Variants in EIF4E3 observed in about 807,000 individuals in gnomAD.
EIF4E3 encodes the protein eukaryotic translation initiation factor 4E type 3.
A neutral mutation model predicts 31.7 loss-of-function variants in EIF4E3; 26 were observed. The observed-to-expected ratio is 0.82, with a 90% CI of 0.60 to 1.14. The LOEUF is 1.14. Among genes scored for constraint, EIF4E3 ranks in the 50% most tolerant of loss-of-function variants. EIF4E3 has a pLI of 0.00. For missense variants in EIF4E3, 304 were observed against 270.9 expected, an observed-to-expected ratio of 1.12 and a Z score of -0.86; for synonymous variants, 128 against 107.7, an observed-to-expected ratio of 1.19 and a Z score of -1.17.
intron 1 of EIF4E3, among the ~76,000 whole-genome samples, chr3:71,736,633 T>G (rs948399816): frequency 5.9e-5 from 9 of 152,186 alleles, no homozygotes; most frequent in Non-Finnish European, 1.3e-4. Flanking sequence ...GATCAGGGGT[T>G]GTCAGGGGTT....
At chr3:71,705,883 T>C (rs1024553293) in intron 2 of EIF4E3, among the ~76,000 whole-genome samples, 4 of 152,168 alleles carry the variant, frequency 2.6e-5, no homozygotes, top group African/African-American at 9.7e-5. Flanking sequence ...CCACCTCAGC[T>C]TCCTGAGTAG....
chr3:71,724,422 A>G (rs987364145), intron 1 of EIF4E3, among the ~76,000 whole-genome samples: 4 of 152,218 alleles, frequency 2.6e-5, no homozygotes, highest in African/African-American at 9.6e-5. Context: ...AAGCATTAGG[A>G]AGAAAAAGAA....
At chr3:71,716,809 T>C (rs1441589543) in intron 1 of EIF4E3, among the ~76,000 whole-genome samples, 2 of 152,094 alleles carry the variant, frequency 1.3e-5, no homozygotes, top group African/African-American at 4.8e-5. Context: ...ACTAAACAGC[T>C]CCTGCATGAC....
intron 5 of EIF4E3, among the ~76,000 whole-genome samples, chr3:71,692,095 A>G (rs937766272): frequency 1.3e-5 from 2 of 152,168 alleles, no homozygotes; most frequent in Admixed American, 6.6e-5. Flanking sequence ...CACTTTCACA[A>G]ATGGCTCGGT....
At chr3:71,750,381 G>A (rs1320422925) in intron 1 of EIF4E3, among the ~76,000 whole-genome samples, 1 of 152,166 alleles carries the variant, frequency 6.6e-6, no homozygotes, top group East Asian at 1.9e-4. Context: ...AGTGACCTAG[G>A]AGTGGGAGGA....
intron 1 of EIF4E3, among the ~76,000 whole-genome samples, chr3:71,735,999 C>A (rs2049759170): frequency 6.6e-6 from 1 of 152,042 alleles, no homozygotes; most frequent in Non-Finnish European, 1.5e-5. Flanking sequence ...GGACAAAAGA[C>A]CTGAGCAAAC....
chr3:71,690,570 G>C (rs1006358451), intron 5 of EIF4E3, among the ~76,000 whole-genome samples: 6 of 152,180 alleles, frequency 3.9e-5, no homozygotes, highest in Non-Finnish European at 5.9e-5. Context: ...ATGCCTTGCT[G>C]TCTTTGTTAA....
chr3:71,671,770 C>A (rs962513926), downstream of EIF4E3, among the ~76,000 whole-genome samples: 1 of 151,848 alleles, frequency 6.6e-6, no homozygotes, highest in African/African-American at 2.4e-5. Flanking sequence ...TCAGGGCCTT[C>A]TTTTAAAAAT....
chr3:71,693,322 A>G (rs2049088662), intron 5 of EIF4E3, among the ~76,000 whole-genome samples: 1 of 152,168 alleles, frequency 6.6e-6, no homozygotes, highest in South Asian at 2.1e-4. Flanking sequence ...CTTATCCTCC[A>G]CTGTGAGATC....
At chr3:71,724,529 T>C (rs1046851320) in intron 1 of EIF4E3, among the ~76,000 whole-genome samples, 7 of 152,200 alleles carry the variant, frequency 4.6e-5, no homozygotes, top group Non-Finnish European at 7.3e-5. Flanking sequence ...GGGTTGTCCC[T>C]TGAGAAAGCC....
In EIF4E3 at chr3:71,677,048, A is replaced by T. The variant is rs912520662; in HGVS notation, c.*7634T>A. 6.6e-6 allele frequency: 1 copy of T among 152,230 alleles called. No individual in the cohort carries two copies. Among genetic ancestry groups the T allele is most frequent in the Non-Finnish European group, 1.5e-5 (1 of 68,040 alleles). 9.4% of individuals were successfully genotyped at this position (152,230 alleles called of 1,614,324 possible). Reference sequence around the variant, plus strand: ...CCACATCTTTAATGCTTAGAGGAGCACACACATTTAGCCCTGCCATCTGTA... The same window carrying T: ...CCACATCTTTAATGCTTAGAGGAGCTCACACATTTAGCCCTGCCATCTGTA... On this transcript the variant is annotated 3_prime_UTR_variant, in exon 7 of 7. Coordinates refer to ENST00000425534, the MANE Select transcript of EIF4E3 (RefSeq NM_001134651.2).
At chr3:71,724,032 T>G (rs1466880255) in intron 1 of EIF4E3, among the ~76,000 whole-genome samples, 1 of 152,182 alleles carries the variant, frequency 6.6e-6, no homozygotes, top group Non-Finnish European at 1.5e-5. Flanking sequence ...CTTGCAGTCA[T>G]TTTATGCAAA....
At position 71,696,465 on chromosome 3, in the gene EIF4E3, T is replaced by A. The variant is rs757593083; in HGVS notation, c.400A>T (p.Ser134Cys). 3 of 1,614,206 alleles carry A rather than the reference T, an allele frequency of 1.9e-6. No homozygotes were observed. The South Asian group carries it at 3.3e-5, about 18-fold the overall frequency. Residue 134 changes from serine to cysteine, a missense_variant, in exon 4 of 7, where the codon AGC (serine) becomes TGC (cysteine). Coordinates refer to ENST00000425534, the MANE Select transcript of EIF4E3 (RefSeq NM_001134651.2). ...GAGGATCAGTAGGAACCTACCGTGC[T>A]GTCCTTGGGGACTTTCATCTTCCAT... ...GVWKMKVPKDSTSTVWKELLL... is the reference protein window; with the variant it reads ...GVWKMKVPKDCTSTVWKELLL...
chr3:71,748,092 C>T (rs1363542303), intron 1 of EIF4E3, among the ~76,000 whole-genome samples: 3 of 152,100 alleles, frequency 2.0e-5, no homozygotes, highest in East Asian at 1.9e-4. Context: ...GGTGGCTTCC[C>T]GGCTTTTATT....
chr3:71,664,071 A>G, the EIF4E3 span, among the ~76,000 whole-genome samples: 18 of 152,330 alleles, frequency 1.2e-4, no homozygotes, highest in African/African-American at 4.3e-4. Context: ...GAGTGGATCC[A>G]GAAAAGGCTG....
In EIF4E3 at chr3:71,676,504, A is replaced by G. The variant is rs971067055; in HGVS notation, c.*8178T>C. The G allele has an allele frequency of 6.6e-6, 1 of 152,234 alleles. No homozygotes were observed. The highest frequency in any genetic ancestry group is 1.5e-5 in the Non-Finnish European group (1 of 68,040). The allele number at this position is 152,234 out of a possible 1,614,324, so 9.4% of individuals were successfully genotyped here. A position where few individuals can be genotyped will look rare whatever the true frequency, so the allele number is the denominator to read the frequency against. On this transcript the variant is annotated 3_prime_UTR_variant, in exon 7 of 7. Coordinates refer to ENST00000425534, the MANE Select transcript of EIF4E3 (RefSeq NM_001134651.2). ...TAAAACCTTTGTTTCATTTCATAAAACAAAATCAGTGAGTACATAAGTTAT... is the reference window on the plus strand; with the variant it reads ...TAAAACCTTTGTTTCATTTCATAAAGCAAAATCAGTGAGTACATAAGTTAT...
intron 3 of EIF4E3, among the ~76,000 whole-genome samples, chr3:71,697,026 T>A (rs1362768635): frequency 2.0e-5 from 3 of 150,870 alleles, no homozygotes; most frequent in Non-Finnish European, 4.4e-5. Flanking sequence ...CCCCTGAATT[T>A]TTTTTTAAAG....
rs1261473739 is a variant in EIF4E3 at position 71,739,637 on chromosome 3, CG to C, written c.-290-11015del. Among the ~76,000 whole-genome samples the C allele has an allele frequency of 2.0e-5, 3 of 151,832 alleles. No individual in the cohort carries two copies. In the East Asian group the frequency reaches 5.8e-4, roughly 29 times the overall value. On this transcript the variant is annotated intron_variant, in intron 1 of 7. Transcript: ENST00000295612. ...ACCTGAGCCTGGGAGATTGAGGCTG[CG>C]GTGAGCCGTGATGGCACCACTACAC... is the stretch of plus-strand genomic sequence containing the variant.
the EIF4E3 span, among the ~76,000 whole-genome samples, chr3:71,669,452 A>G: frequency 6.6e-6 from 1 of 152,230 alleles, no homozygotes; most frequent in Non-Finnish European, 1.5e-5. Context: ...ATCGTCATGG[A>G]TAAATACATT....
Sources: allele counts gnomAD v4.1 joint callset (sites outside exome capture counted in the v4.1 genomes callset), GRCh38; gene constraint gnomAD v4.1.1; transcripts MANE v1.5; gene names NCBI Gene and HGNC (gene_info 2026-07-23, HGNC 2026-07-21).